The following PDE4A variants were observed in gnomAD, a reference collection of about 807,000 sequenced individuals.
PDE4A encodes the protein 3',5'-cyclic-AMP phosphodiesterase 4A.
A neutral mutation model predicts 73.9 loss-of-function variants in PDE4A; 21 were observed. That is an observed-to-expected ratio of 0.28 (90% CI 0.20 to 0.41). The LOEUF is 0.41. PDE4A is among the 10% of genes least tolerant of loss of function. The pLI, the probability that PDE4A is intolerant of heterozygous loss-of-function variation, is 1.00. For synonymous variants in PDE4A, 463 were observed against 505.4 expected (o/e 0.92, Z 1.13); for missense variants, 958 against 1,211.4 (o/e 0.79, Z 3.10).
intron 1 of PDE4A, among the ~76,000 whole-genome samples, chr19:10,432,191 GAA>G (rs1568367402): frequency 1.7e-5 from 2 of 116,890 alleles, no homozygotes; most frequent in Non-Finnish European, 1.9e-5. Context: ...GGGGGGGGGG[GAA>G]GTGTGCGTCC....
intron 1 of PDE4A, among the ~76,000 whole-genome samples, chr19:10,430,214 C>T (rs181590538): frequency 9.2e-5 from 14 of 152,000 alleles, no homozygotes; most frequent in Admixed American, 9.2e-4. Context: ...GTGGGAGTGC[C>T]CCCAGAGATT....
rs1222193770 is a variant in PDE4A at position 10,459,174 on chromosome 19, C to T, written c.1102-226C>T. 7.3e-6 allele frequency: 5 copies of T among 681,726 alleles called. No homozygotes were observed. The East Asian group carries it at 1.2e-4, about 16-fold the overall frequency. The allele number at this position is 681,726 out of a possible 1,614,324, so 42.2% of individuals were successfully genotyped here. A position where few individuals can be genotyped will look rare whatever the true frequency, so the allele number is the denominator to read the frequency against. On this transcript the variant is annotated intron_variant, in intron 8 of 14. Transcript: ENST00000380702. ...GCCAAACGAGATCAAGTGCTTAGAG[C>T]AATACTTGGCAGATCATAAGTACTC...
chr19:10,428,812 G>A (rs1216957638), intron 1 of PDE4A: 1 of 985,416 alleles, frequency 1.0e-6, no homozygotes, highest in South Asian at 4.7e-5. Context: ...AGAGAAGGAA[G>A]GATATTTCAC....
Position 10,453,215 on chromosome 19 carries a change from C to T in PDE4A, c.784-1614C>T, listed in dbSNP as rs200631962. ...AGTGGTTGTTAACCCCGGGACTCCCCAAGCCCAGCCTCTGTGTGCAGCAGC... is the reference window on the plus strand; with the variant it reads ...AGTGGTTGTTAACCCCGGGACTCCCTAAGCCCAGCCTCTGTGTGCAGCAGC... On this transcript the variant is annotated intron_variant, in intron 6 of 14. Coordinates refer to ENST00000380702, the MANE Select transcript of PDE4A (RefSeq NM_001111307.2). The surrounding 1 kb of genome is among the most constrained non-coding windows in gnomAD (Gnocchi z 4.6). The T allele has an allele frequency of 1.0e-5, 16 of 1,575,230 alleles. No individual in the cohort carries two copies. The highest frequency in any genetic ancestry group is 1.3e-5 in the African/African-American group (1 of 74,440).
intron 1 of PDE4A, chr19:10,421,305 G>C (rs111545327): frequency 1.0e-6 from 1 of 985,362 alleles, no homozygotes; most frequent in Non-Finnish European, 1.2e-6. Context: ...TTTAGGGGGC[G>C]CCACGCTGCG....
In PDE4A at chr19:10,468,771, TA is replaced by T. The variant is rs772226583; in HGVS notation, c.*1152del. The stretch of plus-strand genomic sequence containing the variant: ...CCTTCCTTCCACCCTGGCACCAAAA[TA>T]ATTTCTCCTCCATCCGTACCTTGCC... On this transcript the variant is annotated 3_prime_UTR_variant, in exon 15 of 15. Coordinates refer to ENST00000380702, the MANE Select transcript of PDE4A (RefSeq NM_001111307.2). 9.2e-5 allele frequency: 14 copies of T among 152,824 alleles called. No homozygotes were observed. Among genetic ancestry groups the T allele is most frequent in the Admixed American group, 3.3e-4 (5 of 15,194 alleles). The allele number at this position is 152,824 out of a possible 1,614,324, so 9.5% of individuals were successfully genotyped here. A position where few individuals can be genotyped will look rare whatever the true frequency, so the allele number is the denominator to read the frequency against.
chr19:10,461,496 C>CCTCCGGGCTGA (rs1269331975), intron 11 of PDE4A, 30 bp from the exon 12 acceptor site: 22 of 1,609,850 alleles, frequency 1.4e-5, no homozygotes, highest in Non-Finnish European at 1.9e-5. Context: ...CACACGTGGG[C>CCTCCGGGCTGA]CCTCCCCTGA....
Position 10,453,443 on chromosome 19 carries a change from G to C in PDE4A, c.784-1386G>C. On this transcript the variant is annotated intron_variant, in intron 6 of 14. Transcript: ENST00000380702. This position sits in a 1 kb window ranked among gnomAD's most constrained non-coding sequence, Gnocchi z 4.6. ...GGCCTGGAGATGAAGCCTTGTGACT[G>C]TCTCTGTGTGTGGCCCAGGGCTGGG... 1 of 1,295,726 alleles carries C rather than the reference G, an allele frequency of 7.7e-7. No individual in the cohort carries two copies. Among genetic ancestry groups the C allele is most frequent in the Non-Finnish European group, 1.0e-6 (1 of 962,836 alleles). The allele number at this position is 1,295,726 out of a possible 1,614,324, so 80.3% of individuals were successfully genotyped here.
chr19:10,432,045 C>T (rs944020994), intron 1 of PDE4A, among the ~76,000 whole-genome samples: 1 of 151,834 alleles, frequency 6.6e-6, no homozygotes, highest in African/African-American at 2.4e-5. Context: ...GATCAGAGAC[C>T]TCGAGCGGGC....
chr19:10,445,592 A>G (rs1171792655), intron 1 of PDE4A, among the ~76,000 whole-genome samples: 1 of 151,908 alleles, frequency 6.6e-6, no homozygotes, highest in Non-Finnish European at 1.5e-5. Flanking sequence ...ACATGGTGGA[A>G]CCCCATCTCT....
chr19:10,463,103 T>C (rs1012943028), intron 13 of PDE4A, among the ~76,000 whole-genome samples: 15 of 111,594 alleles, frequency 1.3e-4, no homozygotes, highest in Non-Finnish European at 2.6e-4. Flanking sequence ...CTGTTTTTGG[T>C]TTTTTTTTTT....
intron 1 of PDE4A, among the ~76,000 whole-genome samples, chr19:10,440,823 C>A (rs1003026028): frequency 6.6e-5 from 10 of 151,930 alleles, no homozygotes; most frequent in African/African-American, 2.2e-4. Context: ...TGGGCTCGAT[C>A]TCCTGACCTC....
chr19:10,437,900 G>A (rs1227762138), intron 1 of PDE4A, among the ~76,000 whole-genome samples: 1 of 148,720 alleles, frequency 6.7e-6, no homozygotes, highest in Non-Finnish European at 1.5e-5. Context: ...TACCTCCAGG[G>A]CTCAGGTGAT....
rs200755243 is a variant in PDE4A, at chr19:10,445,844, C to CT, written c.321-363dup. Among the ~76,000 whole-genome samples, 379 of 141,436 alleles carry CT rather than the reference C, an allele frequency of 2.7e-3. 4 individuals carry two copies. The highest frequency in any genetic ancestry group is 0.023 in the East Asian group (104 of 4,524). The allele number at this position is 141,436 out of a possible 152,430, so 92.8% of individuals were successfully genotyped here. A position where few individuals can be genotyped will look rare whatever the true frequency, so the allele number is the denominator to read the frequency against. The stretch of plus-strand genomic sequence containing the variant: ...CTTAGGCTCCTCATCCCACCCCCAC[C>CT]TTTTTTTTTTTGAGACATTGTCTTG... On this transcript the variant is annotated intron_variant, in intron 1 of 14. Transcript: ENST00000380702.
chr19:10,431,169 C>A, intron 1 of PDE4A: 1 of 917,582 alleles, frequency 1.1e-6, no homozygotes, highest in Non-Finnish European at 1.5e-6. Context: ...GTGGCTCACT[C>A]TCTCCAGCCT....
At position 10,459,753 on chromosome 19, in the gene PDE4A, A is replaced by C. The variant is rs1324689201; in HGVS notation, c.1359A>C (p.Ala453=). ...QSTHVLLATP[A]LDAVFTDLEI... is the part of the protein sequence containing the mutation. ...CCCACGTACTGCTGGCCACGCCTGC[A>C]CTAGATGTGAGTGACTGCCCTGTGA... The change falls in exon 10 of 15, where the codon GCA becomes GCC. Residue 453 remains alanine (A), a synonymous_variant. Transcript: ENST00000380702. The C allele has an allele frequency of 1.9e-6, 3 of 1,607,456 alleles. No homozygotes were observed. The highest frequency in any genetic ancestry group is 2.2e-5 in the East Asian group (1 of 44,728).
At chr19:10,430,949 C>T (rs1475828393) in intron 1 of PDE4A, 3 of 1,529,330 alleles carry the variant, frequency 2.0e-6, no homozygotes, top group East Asian at 2.5e-5. Context: ...AGCCCCTGGC[C>T]CCGCGCGCGC....
In PDE4A at chr19:10,467,567, C is replaced by A; in HGVS notation, c.2607C>A (p.Asp869Glu). 2 of 1,602,444 alleles carry A rather than the reference C, an allele frequency of 1.2e-6. No homozygotes were observed. Among genetic ancestry groups the A allele is most frequent in the Non-Finnish European group, 8.5e-7 (1 of 1,173,026 alleles). ...CCTGCGCAGGGACATTTGGGGAGGACACATCCGCACTCCCAGCTCCTGGTG... is the reference window on the plus strand; with the variant it reads ...CCTGCGCAGGGACATTTGGGGAGGAAACATCCGCACTCCCAGCTCCTGGTG... The part of the protein sequence containing the change: ...CSACAGTFGE[D>E]TSALPAPGGG... Residue 869 changes from aspartate (D) to glutamate (E), a missense_variant, in exon 15 of 15, where the codon GAC (aspartate) becomes GAA (glutamate). Transcript: ENST00000380702.
chr19:10,420,511 C>T (rs2042634537), upstream of PDE4A: 1 of 1,046,214 alleles, frequency 9.6e-7, no homozygotes, highest in Admixed American at 5.1e-5. This position sits in a 1 kb window ranked among gnomAD's most constrained non-coding sequence, Gnocchi z 6.0. Context: ...CCGAGCGGGC[C>T]GCGGAACGCG....
Sources: allele counts gnomAD v4.1 joint callset (sites outside exome capture counted in the v4.1 genomes callset), GRCh38; gene constraint gnomAD v4.1.1; non-coding constraint Gnocchi (gnomAD v3.1); transcripts MANE v1.5; gene names NCBI Gene and HGNC (gene_info 2026-07-23, HGNC 2026-07-21).